The following GFAP variants were observed in gnomAD, a reference collection of about 807,000 sequenced individuals.
The protein encoded by GFAP is intermediate filament protein.
A neutral mutation model predicts 49.3 loss-of-function variants in GFAP; 38 were observed. That is an observed-to-expected ratio of 0.77 (90% CI 0.60 to 1.01). The LOEUF is 1.01. GFAP is among the 50% of genes least tolerant of loss of function. The pLI is 0.00. For missense variants in GFAP, 463 were observed against 579.1 expected, an observed-to-expected ratio of 0.80 and a Z score of 2.06; for synonymous variants, 222 against 236.4, an observed-to-expected ratio of 0.94 and a Z score of 0.56.
Position 44,913,296 on chromosome 17 carries a change from A to G in GFAP, c.753T>C (p.His251=). 3 of 1,614,196 alleles carry G rather than the reference A, an allele frequency of 1.9e-6. No homozygotes were observed. Among genetic ancestry groups the G allele is most frequent in the Non-Finnish European group, 2.5e-6 (3 of 1,180,024 alleles). ...TGGAGCGGTACCACTCTTCGGCTTCATGCATGTTGCTGGACGCCATTGCCT... is the reference window on the plus strand; with the variant it reads ...TGGAGCGGTACCACTCTTCGGCTTCGTGCATGTTGCTGGACGCCATTGCCT... The part of the protein sequence containing the change: ...QYEAMASSNM[H]EAEEWYRSKF... Residue 251 remains histidine (H), a synonymous_variant, in exon 4 of 9, where the codon CAT becomes CAC. Coordinates refer to ENST00000588735, the MANE Select transcript of GFAP (RefSeq NM_002055.5).
chr17:44,911,504 G>A lies in GFAP; in HGVS notation c.907-48C>T, dbSNP rs759264426. On this transcript the variant is annotated intron_variant, in intron 5 of 8. Coordinates refer to ENST00000588735, the MANE Select transcript of GFAP (RefSeq NM_002055.5). Reference sequence around the variant, plus strand: ...CCCGCGGAGCCCCGACCCGACTTGGGGAGGTTTCGAGGCCCGGCCCCCGGC... The same window carrying A: ...CCCGCGGAGCCCCGACCCGACTTGGAGAGGTTTCGAGGCCCGGCCCCCGGC... 13 of 1,563,884 alleles carry A rather than the reference G, an allele frequency of 8.3e-6. No individual in the cohort carries two copies. In the South Asian group the frequency reaches 9.4e-5, roughly 11 times the overall value.
At chr17:44,914,152 G>T in intron 1 of GFAP, 64 bp from the exon 2 acceptor site, 1 of 1,197,316 alleles carries the variant, frequency 8.4e-7, no homozygotes, top group Non-Finnish European at 1.2e-6. Context: ...ACCTGCCTCA[G>T]TCTCCCTTGA....
At position 44,914,036 on chromosome 17, in the gene GFAP, A is replaced by G. The variant is rs781332429; in HGVS notation, c.514T>C (p.Tyr172His). The part of the protein sequence containing the change: ...RLEAENNLAA[Y>H]RQEADEATLA... ...CCCTCCACCTCCCTGACCTGTCTAT[A>G]GGCAGCCAGGTTGTTCTCGGCTTCC... The change falls in exon 2 of 9, where the codon TAT becomes CAT. Residue 172 changes from tyrosine to histidine, a missense_variant. Physicochemically the swap from Tyr to His is moderately conservative, Grantham distance 83. Transcript: ENST00000588735. The G allele has an allele frequency of 6.4e-7, 1 of 1,555,724 alleles. No individual in the cohort carries two copies. Among genetic ancestry groups the G allele is most frequent in the Non-Finnish European group, 8.7e-7 (1 of 1,147,770 alleles).
Position 44,911,360 on chromosome 17 carries a change from C to T in GFAP, c.1003G>A (p.Gly335Arg), listed in dbSNP as rs149353780. 6.4e-5 allele frequency: 103 copies of T among 1,614,056 alleles called. No individual in the cohort carries two copies. The highest frequency in any genetic ancestry group is 2.5e-4 in the Admixed American group (15 of 60,006). The change falls in exon 6 of 9, where the codon GGG (glycine) becomes AGG (arginine). Residue 335 changes from glycine (G) to arginine (R), a missense_variant. Gly to Arg is a moderately radical substitution (Grantham distance 125). Transcript: ENST00000588735. ...GCCATCTCGTCCTTGAGGCTCTGCC[C>T]CTCTTCCTCCAGCCGCGCCAGCGCC... is the stretch of plus-strand genomic sequence containing the variant. ...QEALARLEEEGQSLKDEMARH... is the reference protein window; with the variant it reads ...QEALARLEEERQSLKDEMARH...
At chr17:44,910,431 A>T (rs750583909) in intron 7 of GFAP, 184 bp downstream of exon 7, 2 of 1,580,542 alleles carry the variant, frequency 1.3e-6, no homozygotes, top group Middle Eastern at 1.7e-4. Flanking sequence ...GGCAGCTGCA[A>T]GCCCCACCTA....
In GFAP at chr17:44,905,119, A is replaced by T. The variant is rs376993517; in HGVS notation, c.*2228T>A. ...CCAGTTGTCCTTCAATGTGTTTGTTAAATGATACCAGATGTCTCTGGGTGG... is the reference window on the plus strand; with the variant it reads ...CCAGTTGTCCTTCAATGTGTTTGTTTAATGATACCAGATGTCTCTGGGTGG... On this transcript the variant is annotated 3_prime_UTR_variant, in exon 9 of 9. Transcript: ENST00000588735. 2 of 1,404,138 alleles carry T rather than the reference A, an allele frequency of 1.4e-6. No homozygotes were observed. The highest frequency in any genetic ancestry group is 1.4e-5 in the African/African-American group (1 of 69,800). 87.0% of individuals were successfully genotyped at this position (1,404,138 alleles called of 1,614,324 possible).
chr17:44,905,182 C>T lies in GFAP; in HGVS notation c.*2165G>A. 1 of 819,690 alleles carries T rather than the reference C, an allele frequency of 1.2e-6. No individual in the cohort carries two copies. Among genetic ancestry groups the T allele is most frequent in the Non-Finnish European group, 1.9e-6 (1 of 520,524 alleles). 50.8% of individuals were successfully genotyped at this position (819,690 alleles called of 1,614,324 possible). ...GGGACAGGTGGTAGGAACATGTGGA[C>T]AAATCTGTTACAGCCTGCTCCCCAT... On this transcript the variant is annotated 3_prime_UTR_variant, in exon 9 of 9. Transcript: ENST00000588735.
rs766647386 is a variant in GFAP, at chr17:44,904,984, C to T, written c.*2363G>A. On this transcript the variant is annotated 3_prime_UTR_variant, in exon 9 of 9. Coordinates refer to ENST00000588735, the MANE Select transcript of GFAP (RefSeq NM_002055.5). ...CTGTGGAGCTCACCCTGATAGGCTA[C>T]CTGCTCATCACAGCAGTCTTTGTCA... The T allele has an allele frequency of 3.4e-5, 53 of 1,550,736 alleles. 1 individual carries two copies. The South Asian group carries it at 4.8e-4, about 14-fold the overall frequency.
Position 44,903,799 on chromosome 17 carries a change from C to T in GFAP, c.*3548G>A, listed in dbSNP as rs2051603162. ...TGAGCCTTTAATGCCCTGGTTTTGC[C>T]CTGCCCCTCTGACCCCTGCCTCCTT... is the stretch of plus-strand genomic sequence containing the variant. On this transcript the variant is annotated 3_prime_UTR_variant, in exon 9 of 9. Transcript: ENST00000588735. 7 of 1,530,278 alleles carry T rather than the reference C, an allele frequency of 4.6e-6. No individual in the cohort carries two copies. Among genetic ancestry groups the T allele is most frequent in the Non-Finnish European group, 6.2e-6 (7 of 1,136,548 alleles). 94.8% of individuals were successfully genotyped at this position (1,530,278 alleles called of 1,614,324 possible).
rs1313924663 is a variant in GFAP, at chr17:44,904,023, G to A, written c.*3324C>T. 1 of 1,550,534 alleles carries A rather than the reference G, an allele frequency of 6.4e-7. No homozygotes were observed. The highest frequency in any genetic ancestry group is 1.4e-5 in the African/African-American group (1 of 73,054). The stretch of plus-strand genomic sequence containing the variant: ...CCCGAAGAGGTGCCAGCTGTAGTCT[G>A]GTTCTACCAAAAGCACCTAGGTAGC... On this transcript the variant is annotated 3_prime_UTR_variant, in exon 9 of 9. Transcript: ENST00000588735.
Position 44,906,734 on chromosome 17 carries a change from A to G in GFAP, c.*613T>C, listed in dbSNP as rs1167479777. On this transcript the variant is annotated 3_prime_UTR_variant, in exon 9 of 9. Transcript: ENST00000588735. The stretch of plus-strand genomic sequence containing the variant: ...GAGCTGGGCATGGTGGCTCCAATCT[A>G]TAATCCCAGCTACACAGGAGGCTGA... 1 of 171,408 alleles carries G rather than the reference A, an allele frequency of 5.8e-6. No individual in the cohort carries two copies. The highest frequency in any genetic ancestry group is 1.3e-5 in the Non-Finnish European group (1 of 79,042). The allele number at this position is 171,408 out of a possible 1,614,324, so 10.6% of individuals were successfully genotyped here.
At position 44,904,399 on chromosome 17, in the gene GFAP, C is replaced by A. The variant is rs185720633; in HGVS notation, c.*2948G>T. The stretch of plus-strand genomic sequence containing the variant: ...GAGTGCGTGGGGAGCAGTGGCGCAT[C>A]GGCCTCTGCTACCTGCAGAGCCCAG... On this transcript the variant is annotated 3_prime_UTR_variant, in exon 9 of 9. Transcript: ENST00000588735. The A allele has an allele frequency of 3.2e-6, 5 of 1,542,044 alleles. No individual in the cohort carries two copies. Among genetic ancestry groups the A allele is most frequent in the South Asian group, 1.2e-5 (1 of 83,636 alleles).
At chr17:44,914,157 C>T in intron 1 of GFAP, 69 bp from the exon 2 acceptor site, 1 of 1,150,438 alleles carries the variant, frequency 8.7e-7, no homozygotes, top group Non-Finnish European at 1.3e-6. Context: ...CCTCAGTCTC[C>T]CTTGAGGCAG....
chr17:44,915,229 C>T lies in GFAP; in HGVS notation c.258G>A (p.Lys86=). 6.2e-7 allele frequency: 1 copy of T among 1,614,244 alleles called. No homozygotes were observed. Among genetic ancestry groups the T allele is most frequent in the Non-Finnish European group, 8.5e-7 (1 of 1,180,044 alleles). The change falls in exon 1 of 9, where the codon AAG becomes AAA. Residue 86 remains lysine (K), a synonymous_variant. Coordinates refer to ENST00000588735, the MANE Select transcript of GFAP (RefSeq NM_002055.5). The surrounding 1 kb of genome is among the most constrained non-coding windows in gnomAD (Gnocchi z 4.1). The stretch of plus-strand genomic sequence containing the variant: ...TGTTTTGCTGTTCCAGGAAGCGAAC[C>T]TTCTCGATGTAGCTGGCAAAGCGGT... ...LNDRFASYIE[K]VRFLEQQNKA...
In GFAP at chr17:44,903,265, A is replaced by G; in HGVS notation, c.*4082T>C. On this transcript the variant is annotated 3_prime_UTR_variant, in exon 9 of 9. Transcript: ENST00000588735. ...CAATGAATGGACATGTAATCAACAA[A>G]TGATCAAATACTACATCATTTGAGG... 1.6e-6 allele frequency: 2 copies of G among 1,249,828 alleles called. No homozygotes were observed. The highest frequency in any genetic ancestry group is 2.0e-6 in the Non-Finnish European group (2 of 998,038). 77.4% of individuals were successfully genotyped at this position (1,249,828 alleles called of 1,614,324 possible).
chr17:44,914,901 A>C lies in GFAP; in HGVS notation c.461+125T>G. 5.0e-6 allele frequency: 4 copies of C among 797,710 alleles called. No homozygotes were observed. In the East Asian group the frequency reaches 1.1e-4, roughly 21 times the overall value. 49.4% of individuals were successfully genotyped at this position (797,710 alleles called of 1,614,324 possible). A position where few individuals can be genotyped will look rare whatever the true frequency, so the allele number is the denominator to read the frequency against. ...TGTTGGGGGGCAAGGATAGTGCCCC[A>C]TCAAGAGGTAGGGAGGCCCAGGGAG... On this transcript the variant is annotated intron_variant, in intron 1 of 8. Coordinates refer to ENST00000588735, the MANE Select transcript of GFAP (RefSeq NM_002055.5).
Position 44,911,388 on chromosome 17 carries a change from C to G in GFAP, c.975G>C (p.Gln325His). ...CTTCCTCCAGCCGCGCCAGCGCCTC[C>G]TGATAACTGGCCGCCTCCCGCACGT... ...ERHVREAASY[Q>H]EALARLEEEG... is the part of the protein sequence containing the mutation. Residue 325 changes from glutamine to histidine, a missense_variant, in exon 6 of 9, where the codon CAG becomes CAC. Around this residue, in one of 3 missense-constraint regions of GFAP, gnomAD observed 362 missense variants for 445.5 expected, o/e 0.81. Coordinates refer to ENST00000588735, the MANE Select transcript of GFAP (RefSeq NM_002055.5). The G allele has an allele frequency of 1.2e-6, 2 of 1,614,032 alleles. No homozygotes were observed. The highest frequency in any genetic ancestry group is 1.7e-6 in the Non-Finnish European group (2 of 1,179,990).
Position 44,907,386 on chromosome 17 carries a change from G to A in GFAP, c.1260C>T (p.Val420=), listed in dbSNP as rs779643685. ...TGTGCTCCTGCTTGGACTCCTTAAT[G>A]ACCTGCAGGGGACAGGGAACGTGCA... ...VKTVEMRDGE[V]IKESKQEHKD... The change falls in exon 9 of 9, where the codon GTC becomes GTT. Residue 420 remains valine, a splice_region_variant and synonymous_variant. Coordinates refer to ENST00000588735, the MANE Select transcript of GFAP (RefSeq NM_002055.5). 3 of 1,611,324 alleles carry A rather than the reference G, an allele frequency of 1.9e-6. No homozygotes were observed. Among genetic ancestry groups the A allele is most frequent in the Non-Finnish European group, 2.5e-6 (3 of 1,177,590 alleles).
At position 44,904,427 on chromosome 17, in the gene GFAP, C is replaced by G. The variant is rs2051617695; in HGVS notation, c.*2920G>C. 1 of 1,541,640 alleles carries G rather than the reference C, an allele frequency of 6.5e-7. No homozygotes were observed. Among genetic ancestry groups the G allele is most frequent in the Non-Finnish European group, 8.8e-7 (1 of 1,140,406 alleles). ...CCTCTGCTACCTGCAGAGCCCAGACCTCTCCCCACGCTACCTCAAGGCCGT... is the reference window on the plus strand; with the variant it reads ...CCTCTGCTACCTGCAGAGCCCAGACGTCTCCCCACGCTACCTCAAGGCCGT... On this transcript the variant is annotated 3_prime_UTR_variant, in exon 9 of 9. Coordinates refer to ENST00000588735, the MANE Select transcript of GFAP (RefSeq NM_002055.5).
Sources: gnomAD v4.1 joint callset for allele counts on GRCh38, gnomAD v4.1.1 for gene constraint, gnomAD v4.1.1 regional missense constraint, Gnocchi (gnomAD v3.1) non-coding constraint, MANE v1.5 for transcripts, NCBI Gene and HGNC (gene_info 2026-07-23, HGNC 2026-07-21) for gene names.